The following FLNB variants were observed in gnomAD, a reference collection of about 807,000 sequenced individuals.
FLNB encodes the protein filamin B.
FLNB carries 111 observed loss-of-function variants against 250.6 expected under a neutral mutation model. The observed-to-expected ratio is 0.44, with a 90% CI of 0.38 to 0.52. FLNB has a LOEUF of 0.52. FLNB is among the 20% of genes least tolerant of loss of function. The probability of loss-of-function intolerance (pLI) is 0.00; values close to 1 mark genes in which losing one functional copy is unlikely to be tolerated. For missense variants in FLNB, 2,869 were observed against 3,447.8 expected (o/e 0.83, Z 4.20); for synonymous variants, 1,302 against 1,372.1 (o/e 0.95, Z 1.13).
chr3:58,155,026 A>G, intron 40 of FLNB, 98 bp downstream of exon 40: 1 of 1,261,000 alleles, frequency 7.9e-7, no homozygotes, highest in South Asian at 1.2e-5. Context: ...GTCAATGAGG[A>G]ATCTATGTGT....
At chr3:58,064,725 A>T (rs2097183075) in intron 1 of FLNB, among the ~76,000 whole-genome samples, 2 of 151,972 alleles carry the variant, frequency 1.3e-5, no homozygotes, top group Admixed American at 1.3e-4. Context: ...TAGAATCCCC[A>T]GTTCCAGCCA....
intron 28 of FLNB, among the ~76,000 whole-genome samples, chr3:58,137,009 C>T (rs920433783): frequency 1.3e-5 from 2 of 152,102 alleles, no homozygotes; most frequent in African/African-American, 4.8e-5. Flanking sequence ...GTGTGAGCAC[C>T]ACGCCTGGCC....
intron 1 of FLNB, among the ~76,000 whole-genome samples, chr3:58,046,164 G>C (rs975971853): frequency 6.6e-6 from 1 of 152,090 alleles, no homozygotes; most frequent in Non-Finnish European, 1.5e-5. Flanking sequence ...ACAGTGAGTT[G>C]TGGTAGCTGG....
At chr3:58,093,699 A>G (rs183021427) in intron 4 of FLNB, among the ~76,000 whole-genome samples, 1 of 152,156 alleles carries the variant, frequency 6.6e-6, no homozygotes, top group African/African-American at 2.4e-5. Flanking sequence ...TATTGGTAAG[A>G]GACAACTAGA....
At position 58,098,921 on chromosome 3, in the gene FLNB, C is replaced by G; in HGVS notation, c.1345+13C>G. 6.2e-7 allele frequency: 1 copy of G among 1,611,268 alleles called. No homozygotes were observed. The highest frequency in any genetic ancestry group is 8.5e-7 in the Non-Finnish European group (1 of 1,177,852). On this transcript the variant is annotated intron_variant, in intron 8 of 45. Transcript: ENST00000295956. ...CAGGTTGGGGAAGGTGAGTGCTGGG[C>G]TGCTGGCCACATGTGCTTCTCATAG... is the stretch of plus-strand genomic sequence containing the variant.
intron 3 of FLNB, among the ~76,000 whole-genome samples, chr3:58,081,174 T>A (rs2097208791): frequency 6.6e-6 from 1 of 152,212 alleles, no homozygotes. Context: ...TATTTACCTT[T>A]TTTAATTAGT....
At chr3:58,154,411 G>A (rs1228262640) in intron 39 of FLNB, among the ~76,000 whole-genome samples, 5 of 152,136 alleles carry the variant, frequency 3.3e-5, no homozygotes, top group Non-Finnish European at 1.5e-5. Flanking sequence ...TGGGCATGGC[G>A]GCATGAGCCT....
At chr3:58,111,723 T>C (rs1049161329) in intron 16 of FLNB, 68 bp from the exon 17 acceptor site, 32 of 1,175,334 alleles carry the variant, frequency 2.7e-5, no homozygotes, top group Non-Finnish European at 3.8e-5. Flanking sequence ...TCACCCTTTG[T>C]TGAAGGCTCC....
intron 1 of FLNB, among the ~76,000 whole-genome samples, chr3:58,070,596 T>G (rs1343583544): frequency 6.6e-6 from 1 of 151,736 alleles, no homozygotes; most frequent in Non-Finnish European, 1.5e-5. Flanking sequence ...GGCCAAGTCT[T>G]AGTGCGAGTG....
intron 1 of FLNB, among the ~76,000 whole-genome samples, chr3:58,052,384 G>A (rs184793969): frequency 1.3e-5 from 2 of 152,258 alleles, no homozygotes; most frequent in African/African-American, 4.8e-5. Flanking sequence ...CTTGGATCCA[G>A]CTTTAAGATG....
rs753613934 is a variant in FLNB, at chr3:58,110,015, G to A, written c.2329G>A (p.Val777Ile). ...VDCTEAGEGD[V>I]SVGIKCDARV... is the part of the protein sequence containing the mutation. ...AATAAGCTGGTCTGTTCCAGGTGAT[G>A]TCAGTGTTGGCATTAAGTGTGATGC... The change falls in exon 16 of 46, where the codon GTC (valine) becomes ATC (isoleucine). Residue 777 changes from valine (V) to isoleucine (I), a missense_variant. Transcript: ENST00000295956. 5.6e-6 allele frequency: 9 copies of A among 1,614,064 alleles called. No individual in the cohort carries two copies. In the African/African-American group the frequency reaches 1.2e-4, roughly 22 times the overall value.
In FLNB at chr3:58,145,449, A is replaced by C. The variant is rs17058908; in HGVS notation, c.5426-472A>C. Among the ~76,000 whole-genome samples, 1,094 of 152,266 alleles carry C rather than the reference A, an allele frequency of 7.2e-3. 19 individuals carry two copies. Among genetic ancestry groups the C allele is most frequent in the Admixed American group, 0.04 (609 of 15,294 alleles). On this transcript the variant is annotated intron_variant, in intron 32 of 45. Coordinates refer to ENST00000295956, the MANE Select transcript of FLNB (RefSeq NM_001457.4). ...TAGGTCTTTTCCTGATGTGCACCCG[A>C]ACACTGCAGAAATGAAAGTGCTTAC...
In FLNB at chr3:58,169,497, G is replaced by A; in HGVS notation, c.7418-93G>A. On this transcript the variant is annotated intron_variant, in intron 44 of 45. Coordinates refer to ENST00000295956, the MANE Select transcript of FLNB (RefSeq NM_001457.4). The surrounding 1 kb of genome is among the most constrained non-coding windows in gnomAD (Gnocchi z 4.8). ...GTGTTGGGGTGCGCGGGCTCTCCTG[G>A]GGTTACTGTGTAGGGTACTCGCCTG... is the stretch of plus-strand genomic sequence containing the variant. 1 of 998,472 alleles carries A rather than the reference G, an allele frequency of 1.0e-6. No individual in the cohort carries two copies. The highest frequency in any genetic ancestry group is 2.4e-5 in the East Asian group (1 of 42,166). The allele number at this position is 998,472 out of a possible 1,614,324, so 61.9% of individuals were successfully genotyped here. A position where few individuals can be genotyped will look rare whatever the true frequency, so the allele number is the denominator to read the frequency against.
At chr3:58,073,826 C>T (rs1419009810) in intron 1 of FLNB, among the ~76,000 whole-genome samples, 1 of 152,212 alleles carries the variant, frequency 6.6e-6, no homozygotes, top group Non-Finnish European at 1.5e-5. Flanking sequence ...GTCCCACTGA[C>T]AGGTCCCAGC....
chr3:58,098,488 G>A lies in FLNB; in HGVS notation c.1148-223G>A, dbSNP rs538370549. ...TGGGATTACAGGCGTGCGCCACCAT[G>A]CTTGGCTAATTTTTGTATTTTTTTT... On this transcript the variant is annotated intron_variant, in intron 7 of 45. Transcript: ENST00000295956. 5.3e-5 allele frequency among the ~76,000 whole-genome samples: 8 copies of A among 152,258 alleles called. No individual in the cohort carries two copies. The South Asian group carries it at 8.3e-4, about 16-fold the overall frequency.
rs909093751 is a variant in FLNB, at chr3:58,135,830, C to T, written c.4672-149C>T. ...GATCTGTGACCCTCTACTCTCCCTA[C>T]CAAAAAACAAAACAAAACTAGATTG... On this transcript the variant is annotated intron_variant, in intron 27 of 45. Transcript: ENST00000295956. 7 of 833,988 alleles carry T rather than the reference C, an allele frequency of 8.4e-6. No homozygotes were observed. The South Asian group carries it at 1.2e-4, about 14-fold the overall frequency. The allele number at this position is 833,988 out of a possible 1,614,324, so 51.7% of individuals were successfully genotyped here.
rs767054273 is a variant in FLNB at position 58,134,597 on chromosome 3, T to C, written c.4515-19T>C. 6.2e-7 allele frequency: 1 copy of C among 1,609,330 alleles called. No individual in the cohort carries two copies. Among genetic ancestry groups the C allele is most frequent in the South Asian group, 1.1e-5 (1 of 91,054 alleles). On this transcript the variant is annotated intron_variant, in intron 26 of 45. Transcript: ENST00000295956. ...ATGTATCTTTATTGACTAGGGTGTGTGTGTGTGTGTCTATCAAGTCCCTTC... is the reference window on the plus strand; with the variant it reads ...ATGTATCTTTATTGACTAGGGTGTGCGTGTGTGTGTCTATCAAGTCCCTTC...
intron 4 of FLNB, among the ~76,000 whole-genome samples, chr3:58,082,554 T>C (rs1294852765): frequency 2.0e-5 from 3 of 152,122 alleles, no homozygotes; most frequent in African/African-American, 2.4e-5. Flanking sequence ...GCAGATCACC[T>C]GAGGTCAGGA....
rs1272798863 is a variant in FLNB, at chr3:58,169,084, A to G, written c.7417+426A>G. On this transcript the variant is annotated intron_variant, in intron 44 of 45. Transcript: ENST00000295956. This position sits in a 1 kb window ranked among gnomAD's most constrained non-coding sequence, Gnocchi z 4.8. Reference sequence around the variant, plus strand: ...CACTTCACAGCCACCACCCAAGGTAACCACCATAAACACTGTAGTAAATCC... The same window carrying G: ...CACTTCACAGCCACCACCCAAGGTAGCCACCATAAACACTGTAGTAAATCC... 12 of 296,592 alleles carry G rather than the reference A, an allele frequency of 4.0e-5. No individual in the cohort carries two copies. The highest frequency in any genetic ancestry group is 3.2e-5 in the Non-Finnish European group (5 of 154,192). The allele number at this position is 296,592 out of a possible 1,614,324, so 18.4% of individuals were successfully genotyped here.
Sources: gnomAD v4.1 joint callset for allele counts (sites outside exome capture counted in the v4.1 genomes callset) on GRCh38, gnomAD v4.1.1 for gene constraint, Gnocchi (gnomAD v3.1) non-coding constraint, MANE v1.5 for transcripts, NCBI Gene and HGNC (gene_info 2026-07-23, HGNC 2026-07-21) for gene names.